Variants in PHKA1 observed in about 807,000 individuals in gnomAD.
The protein encoded by PHKA1 is phosphorylase b kinase regulatory subunit alpha, skeletal muscle isoform.
A neutral mutation model predicts 110.2 loss-of-function variants in PHKA1; 60 were observed. The observed-to-expected ratio is 0.54, with a 90% CI of 0.44 to 0.68. The LOEUF (loss-of-function observed/expected upper bound fraction) is 0.68. PHKA1 is among the 30% of genes least tolerant of loss of function. PHKA1 has a pLI of 0.00. For synonymous variants in PHKA1, 316 were observed against 333.6 expected, an observed-to-expected ratio of 0.95 and a Z score of 0.58; for missense variants, 801 against 942.5, an observed-to-expected ratio of 0.85 and a Z score of 1.97.
Position 72,714,143 on chromosome X carries a change from G to A in PHKA1, c.-263C>T, listed in dbSNP as rs1397307361. 7.7e-6 allele frequency: 3 copies of A among 389,600 alleles called. No individual in the cohort carries two copies. Among genetic ancestry groups the A allele is most frequent in the African/African-American group, 5.1e-5 (2 of 39,508 alleles). 32.1% of individuals were successfully genotyped at this position (389,600 alleles called of 1,213,427 possible). On this transcript the variant is annotated 5_prime_UTR_variant, in exon 1 of 32. Coordinates refer to ENST00000373542, the MANE Select transcript of PHKA1 (RefSeq NM_002637.4). ...AGAGCCCCGCCGCAGCGCCCCAGGC[G>A]CCGCTCCTGCCCCCTTAGTCCAGTC... is the stretch of plus-strand genomic sequence containing the variant.
chrX:72,588,314 T>G (rs918134420), intron 29 of PHKA1, among the ~76,000 whole-genome samples: 2 of 112,208 alleles, frequency 1.8e-5, no homozygotes, highest in Non-Finnish European at 1.9e-5. Flanking sequence ...CTGAACAACC[T>G]GCTCCTGAAT....
chrX:72,623,534 C>T (rs898196178), intron 17 of PHKA1, among the ~76,000 whole-genome samples: 1 of 111,351 alleles, frequency 9.0e-6, no homozygotes, highest in Non-Finnish European at 1.9e-5. Flanking sequence ...CTCTCTTCTA[C>T]TGCCATATAT....
rs782702439 is a variant in PHKA1, at chrX:72,603,124, C to T, written c.2912G>A (p.Arg971Gln). 1.3e-5 allele frequency: 15 copies of T among 1,173,387 alleles called. No individual in the cohort carries two copies. In the East Asian group the frequency reaches 1.5e-4, roughly 12 times the overall value. The change falls in exon 26 of 32, where the codon CGA (arginine) becomes CAA (glutamine). Residue 971 changes from arginine (R) to glutamine (Q), a missense_variant. Coordinates refer to ENST00000373542, the MANE Select transcript of PHKA1 (RefSeq NM_002637.4). Reference protein sequence around the residue: ...ILSGKEFGVERSVRPTDSNVS... With the variant: ...ILSGKEFGVEQSVRPTDSNVS... ...ATGCAGTTATTCAATCTCACCGCTT[C>T]GTTCCACTCCAAACTCCTTGCCGCT...
intron 4 of PHKA1, among the ~76,000 whole-genome samples, chrX:72,684,818 C>A (rs1177863042): frequency 4.5e-5 from 5 of 111,245 alleles, no homozygotes; most frequent in Non-Finnish European, 7.6e-5. Flanking sequence ...CTGTTATTTA[C>A]AGATTTTACC....
In PHKA1 at chrX:72,648,370, A is replaced by G. The variant is rs376479123; in HGVS notation, c.1324+2020T>C. Among the ~76,000 whole-genome samples, 39 of 111,677 alleles carry G rather than the reference A, an allele frequency of 3.5e-4. No homozygotes were observed. The South Asian group carries it at 7.3e-3, about 21-fold the overall frequency. ...CTGAGACACTGACAAAGATCAGAATATTGTCAGGCATGAAGCAGCAGGCCA... is the reference window on the plus strand; with the variant it reads ...CTGAGACACTGACAAAGATCAGAATGTTGTCAGGCATGAAGCAGCAGGCCA... On this transcript the variant is annotated intron_variant, in intron 13 of 31. Coordinates refer to ENST00000373542, the MANE Select transcript of PHKA1 (RefSeq NM_002637.4).
intron 28 of PHKA1, among the ~76,000 whole-genome samples, chrX:72,601,563 C>T (rs1389234624): frequency 1.8e-5 from 2 of 110,344 alleles, no homozygotes; most frequent in African/African-American, 3.3e-5. Flanking sequence ...GATAAGATAT[C>T]GAGGATAGGA....
At chrX:72,632,940 T>C (rs1192412144) in intron 16 of PHKA1, among the ~76,000 whole-genome samples, 1 of 112,222 alleles carries the variant, frequency 8.9e-6, no homozygotes, top group Non-Finnish European at 1.9e-5. Context: ...TTGTTATTGT[T>C]GTTTTTGTTA....
At chrX:72,625,453 A>G (rs1556282139) in intron 17 of PHKA1, among the ~76,000 whole-genome samples, 3 of 111,368 alleles carry the variant, frequency 2.7e-5, no homozygotes, top group South Asian at 7.6e-4. Context: ...GTTCTTTTTT[A>G]TGGCACTGTA....
intron 28 of PHKA1, among the ~76,000 whole-genome samples, chrX:72,598,206 T>C (rs2052614817): frequency 9.0e-6 from 1 of 111,614 alleles, no homozygotes; most frequent in South Asian, 3.7e-4. Context: ...CAAATGTGAA[T>C]TGACATTTCT....
At chrX:72,692,003 G>T (rs2054045228) in intron 4 of PHKA1, among the ~76,000 whole-genome samples, 1 of 112,030 alleles carries the variant, frequency 8.9e-6, no homozygotes, top group South Asian at 3.7e-4. Context: ...GATTTTCAAA[G>T]ATGCCATTTA....
chrX:72,656,749 T>G (rs1387237624), intron 9 of PHKA1, among the ~76,000 whole-genome samples: 1 of 111,257 alleles, frequency 9.0e-6, no homozygotes, highest in East Asian at 2.8e-4. Flanking sequence ...AAAATTAAAA[T>G]AGGAAAAGAA....
At chrX:72,595,842 G>T (rs2014018536) in intron 28 of PHKA1, among the ~76,000 whole-genome samples, 2 of 111,752 alleles carry the variant, frequency 1.8e-5, no homozygotes, top group Non-Finnish European at 3.8e-5. Flanking sequence ...GTACACTGTT[G>T]CTGGGAATGT....
Position 72,611,125 on chromosome X carries a change from A to G in PHKA1, c.2429T>C (p.Leu810Pro), listed in dbSNP as rs1556259815. 8.3e-7 allele frequency: 1 copy of G among 1,204,453 alleles called. No individual in the cohort carries two copies. Among genetic ancestry groups the G allele is most frequent in the Admixed American group, 2.2e-5 (1 of 45,912 alleles). Residue 810 changes from leucine to proline, a missense_variant, in exon 22 of 32, where the codon CTT (leucine) becomes CCT (proline). Leu to Pro is a moderately conservative substitution (Grantham distance 98). This residue lies in a region of PHKA1 where 502 missense variants were observed against 519.2 expected (regional missense o/e 0.97). Coordinates refer to ENST00000373542, the MANE Select transcript of PHKA1 (RefSeq NM_002637.4). ...TCCCACTTTGCCATACAGCTCGGTA[A>G]GAAGCTCTCTCACTGTAGCACTCCG... ...NERSATVREL[L>P]TELYGKVGEI...
chrX:72,684,657 T>C, intron 4 of PHKA1, 77 bp from the exon 5 acceptor site: 1 of 625,210 alleles, frequency 1.6e-6, no homozygotes, highest in Non-Finnish European at 2.7e-6. Flanking sequence ...AGTGACTAAC[T>C]GATCTCACTA....
At chrX:72,658,087 G>C (rs1009993662) in intron 8 of PHKA1, among the ~76,000 whole-genome samples, 10 of 112,008 alleles carry the variant, frequency 8.9e-5, no homozygotes, top group Non-Finnish European at 1.9e-4. Flanking sequence ...ACAGTACAGA[G>C]AATCCCAGTA....
chrX:72,608,552 A>G lies in PHKA1; in HGVS notation c.2606+1072T>C, dbSNP rs1305203553. ...TGCTTTTTGAGTCTATTTAGTACCC[A>G]GAGCACTTTAAGCCCGCGGTGGTGA... On this transcript the variant is annotated intron_variant, in intron 23 of 31. Coordinates refer to ENST00000373542, the MANE Select transcript of PHKA1 (RefSeq NM_002637.4). 2.7e-5 allele frequency among the ~76,000 whole-genome samples: 3 copies of G among 111,376 alleles called. No individual in the cohort carries two copies. The East Asian group carries it at 8.5e-4, about 32-fold the overall frequency.
chrX:72,628,555 TATATATATATATATATTCCCATATAA>T (rs1488372001), intron 16 of PHKA1, among the ~76,000 whole-genome samples: 1 of 104,231 alleles, frequency 9.6e-6, no homozygotes, highest in African/African-American at 3.5e-5. Flanking sequence ...TATTCCCATA[TATATATATATATATATTCCCATATAA>T]ATATATATAT....
chrX:72,642,088 T>C (rs188648948), intron 14 of PHKA1, among the ~76,000 whole-genome samples: 59 of 112,320 alleles, frequency 5.3e-4, no homozygotes, highest in African/African-American at 1.6e-3. Context: ...TGTCCACTTG[T>C]CACTTGAGTC....
intron 14 of PHKA1, among the ~76,000 whole-genome samples, chrX:72,637,856 C>A (rs2053247193): frequency 8.9e-6 from 1 of 112,045 alleles, no homozygotes; most frequent in Non-Finnish European, 1.9e-5. Flanking sequence ...ATTATGTCTT[C>A]TAACCCACAA....
Sources: gnomAD v4.1 joint callset for allele counts (sites outside exome capture counted in the v4.1 genomes callset) on GRCh38, gnomAD v4.1.1 for gene constraint, gnomAD v4.1.1 regional missense constraint, MANE v1.5 for transcripts, NCBI Gene and HGNC (gene_info 2026-07-23, HGNC 2026-07-21) for gene names.